The following PPFIBP2 variants were observed in gnomAD, a reference collection of about 807,000 sequenced individuals.
PPFIBP2 encodes the protein liprin-beta-2.
In PPFIBP2, 118 loss-of-function variants were observed where a neutral mutation model predicts 118.3. The observed-to-expected ratio is 1.00, with a 90% confidence interval of 0.86 to 1.16. The LOEUF is 1.16. PPFIBP2 is among the 50% of genes most tolerant of loss of function. The probability of loss-of-function intolerance (pLI) is 0.00; values close to 1 mark genes in which losing one functional copy is unlikely to be tolerated. For synonymous variants in PPFIBP2, 414 were observed against 397.4 expected, an observed-to-expected ratio of 1.04 and a Z score of -0.50; for missense variants, 1,195 against 1,073.1, an observed-to-expected ratio of 1.11 and a Z score of -1.59.
intron 5 of PPFIBP2, among the ~76,000 whole-genome samples, chr11:7,606,999 C>G (rs1322992452): frequency 1.4e-5 from 2 of 138,796 alleles, no homozygotes; most frequent in Non-Finnish European, 3.0e-5. Flanking sequence ...CAAGCTCTGC[C>G]TCCCAGGTTC....
At chr11:7,564,460 T>C (rs1854716823) in intron 2 of PPFIBP2, among the ~76,000 whole-genome samples, 1 of 152,146 alleles carries the variant, frequency 6.6e-6, no homozygotes, top group Non-Finnish European at 1.5e-5. Flanking sequence ...CATATAGAGA[T>C]ATATAGGGGA....
At chr11:7,524,950 G>A (rs1850094633) in intron 1 of PPFIBP2, among the ~76,000 whole-genome samples, 1 of 152,186 alleles carries the variant, frequency 6.6e-6, no homozygotes, top group Admixed American at 6.5e-5. Context: ...TCTGGTTCTT[G>A]GATGCATGTG....
At chr11:7,628,972 G>A (rs936435485) in intron 9 of PPFIBP2, among the ~76,000 whole-genome samples, 2 of 152,060 alleles carry the variant, frequency 1.3e-5, no homozygotes, top group African/African-American at 4.8e-5. Flanking sequence ...TGACCTGTGT[G>A]GTCTCCCAAG....
the PPFIBP2 span, among the ~76,000 whole-genome samples, chr11:7,662,244 G>T: frequency 1.1e-4 from 17 of 152,228 alleles, no homozygotes; most frequent in South Asian, 6.2e-4. Flanking sequence ...TCCTAGTCTT[G>T]ATGGTCTTTA....
intron 3 of PPFIBP2, among the ~76,000 whole-genome samples, chr11:7,572,745 G>C (rs1419725465): frequency 1.3e-5 from 2 of 152,194 alleles, no homozygotes; most frequent in Non-Finnish European, 2.9e-5. Context: ...AGTTTGTTTA[G>C]TAATCTATGT....
chr11:7,640,099 ATCCC>A (rs1851964709), intron 15 of PPFIBP2, among the ~76,000 whole-genome samples: 6 of 151,974 alleles, frequency 3.9e-5, no homozygotes, highest in Non-Finnish European at 1.5e-5. Context: ...GGGTGTGTGT[ATCCC>A]CTACTTCTTT....
intron 1 of PPFIBP2, among the ~76,000 whole-genome samples, chr11:7,523,665 A>C (rs1185081570): frequency 6.6e-6 from 1 of 152,164 alleles, no homozygotes; most frequent in African/African-American, 2.4e-5. Context: ...GGAACCACTA[A>C]TGCATCTCCA....
intron 7 of PPFIBP2, among the ~76,000 whole-genome samples, chr11:7,622,521 T>C (rs1471673505): frequency 6.6e-6 from 1 of 152,258 alleles, no homozygotes; most frequent in East Asian, 1.9e-4. Flanking sequence ...ACTTCTCATG[T>C]TATCAAAAGA....
rs1854053649 is a variant in PPFIBP2, at chr11:7,651,775, T to C, written c.2367T>C (p.Ala789=). 1 of 1,613,976 alleles carries C rather than the reference T, an allele frequency of 6.2e-7. No homozygotes were observed. The highest frequency in any genetic ancestry group is 8.5e-7 in the Non-Finnish European group (1 of 1,179,878). The change falls in exon 23 of 24, where the codon GCT becomes GCC. Residue 789 remains alanine (A), a synonymous_variant. Coordinates refer to ENST00000299492, the MANE Select transcript of PPFIBP2 (RefSeq NM_003621.5). The part of the protein sequence containing the change: ...TKFNALIGPE[A]EQEKREKMAS... ...TCAATGCCTTGATTGGTCCGGAGGCTGAACAGGAGAAGCGAGAGAAAATGG... is the reference window on the plus strand; with the variant it reads ...TCAATGCCTTGATTGGTCCGGAGGCCGAACAGGAGAAGCGAGAGAAAATGG...
At chr11:7,572,208 C>T (rs6578876) in intron 3 of PPFIBP2, among the ~76,000 whole-genome samples, 58,956 of 151,602 alleles carry the variant, frequency 0.39, 13,643 homozygotes, top group African/African-American at 0.66. Flanking sequence ...AGGTTGGCCC[C>T]TTCCATTCCT....
Position 7,616,955 on chromosome 11 carries a change from C to T in PPFIBP2, c.619-3980C>T, listed in dbSNP as rs1848724495. Among the ~76,000 whole-genome samples the T allele has an allele frequency of 6.6e-6, 1 of 152,060 alleles. No individual in the cohort carries two copies. ...AGGAAAAATGCCATGTCTTTTGGTT[C>T]TGTTGTGGAAAGTGGAGGGCCGTCG... On this transcript the variant is annotated intron_variant, in intron 6 of 23. Transcript: ENST00000299492. This position sits in a 1 kb window ranked among gnomAD's most constrained non-coding sequence, Gnocchi z 5.2.
At chr11:7,598,423 C>G (rs2135341632) in intron 5 of PPFIBP2, 1 of 153,278 alleles carries the variant, frequency 6.5e-6, no homozygotes, top group Non-Finnish European at 1.5e-5. Context: ...AAATAATGAG[C>G]TACAATTTTT....
intron 10 of PPFIBP2, 136 bp downstream of exon 10, chr11:7,629,670 G>A: frequency 1.2e-6 from 1 of 818,122 alleles, no homozygotes; most frequent in South Asian, 1.6e-5. Context: ...GAGCTGTTTA[G>A]ACTTTTCTGC....
intron 1 of PPFIBP2, among the ~76,000 whole-genome samples, chr11:7,521,066 C>G (rs1176425830): frequency 6.6e-6 from 1 of 152,206 alleles, no homozygotes; most frequent in Non-Finnish European, 1.5e-5. Flanking sequence ...ACTGCTGACT[C>G]CGAGCTTTGT....
At chr11:7,635,284 C>A (rs577475410) in intron 13 of PPFIBP2, among the ~76,000 whole-genome samples, 11 of 152,260 alleles carry the variant, frequency 7.2e-5, no homozygotes, top group African/African-American at 2.6e-4. Context: ...TCTGCAGGAG[C>A]CCTGGGATCA....
intron 3 of PPFIBP2, among the ~76,000 whole-genome samples, chr11:7,585,298 A>G (rs1179557274): frequency 6.6e-6 from 1 of 152,224 alleles, no homozygotes; most frequent in Non-Finnish European, 1.5e-5. Flanking sequence ...CTGAGAAGCA[A>G]CTGTTGGCTT....
intron 1 of PPFIBP2, among the ~76,000 whole-genome samples, chr11:7,520,123 C>T (rs1849611723): frequency 1.3e-5 from 2 of 152,152 alleles, no homozygotes; most frequent in Admixed American, 6.5e-5. Context: ...CAACACGAGG[C>T]GGTATGGCGC....
At chr11:7,521,312 C>T (rs546951103) in intron 1 of PPFIBP2, among the ~76,000 whole-genome samples, 1 of 152,216 alleles carries the variant, frequency 6.6e-6, no homozygotes, top group Non-Finnish European at 1.5e-5. Context: ...ATAGGACTGT[C>T]TCTCTGATAG....
chr11:7,666,340 C>A, the PPFIBP2 span: 2 of 710,360 alleles, frequency 2.8e-6, no homozygotes, highest in South Asian at 1.8e-5. Flanking sequence ...AGGCTTAACC[C>A]CCACATCTGG....
Sources: allele counts gnomAD v4.1 joint callset (sites outside exome capture counted in the v4.1 genomes callset), GRCh38; gene constraint gnomAD v4.1.1; non-coding constraint Gnocchi (gnomAD v3.1); transcripts MANE v1.5; gene names NCBI Gene and HGNC (gene_info 2026-07-23, HGNC 2026-07-21).